SNX9: variants seen among roughly 807,000 people sequenced by gnomAD.
SNX9 encodes the protein sorting nexin-9.
SNX9 carries 44 observed loss-of-function variants against 89.4 expected under a neutral mutation model. The ratio of observed to expected loss-of-function variants is 0.49; its 90% CI spans 0.39 to 0.63. The LOEUF is 0.63. SNX9 is among the 30% of genes least tolerant of loss of function. SNX9 has a pLI of 0.00. For synonymous variants in SNX9, 236 were observed against 247.8 expected (o/e 0.95, Z 0.45); for missense variants, 578 against 736.1 (o/e 0.79, Z 2.49).
chr6:157,944,142 G>A lies in SNX9; in HGVS notation c.*1304G>A, dbSNP rs1050155655. ...CTGGCAGCCACCGTCTCACCCCTGC[G>A]GAGGAGCGCTCCCGTCTCCCACAGG... is the stretch of plus-strand genomic sequence containing the variant. On this transcript the variant is annotated 3_prime_UTR_variant, in exon 18 of 18. Coordinates refer to ENST00000392185, the MANE Select transcript of SNX9 (RefSeq NM_016224.5). 1.3e-5 allele frequency: 2 copies of A among 152,222 alleles called. No homozygotes were observed. The highest frequency in any genetic ancestry group is 2.1e-4 in the South Asian group (1 of 4,830). The allele number at this position is 152,222 out of a possible 1,614,324, so 9.4% of individuals were successfully genotyped here.
At position 157,856,074 on chromosome 6, in the gene SNX9, G is replaced by C. The variant is rs537947596; in HGVS notation, c.13-11473G>C. 2.5e-3 allele frequency among the ~76,000 whole-genome samples: 384 copies of C among 152,282 alleles called. 2 individuals are homozygous for C. Among genetic ancestry groups the C allele is most frequent in the Admixed American group, 4.2e-3 (64 of 15,288 alleles). On this transcript the variant is annotated intron_variant, in intron 1 of 17. Transcript: ENST00000392185. ...TGTCATTGATTTTTATCTTGTTTATGTTGGCTGTTGCCAGGCGGGTATGTT... is the reference window on the plus strand; with the variant it reads ...TGTCATTGATTTTTATCTTGTTTATCTTGGCTGTTGCCAGGCGGGTATGTT...
At chr6:157,850,176 G>A (rs1045504309) in intron 1 of SNX9, among the ~76,000 whole-genome samples, 2 of 152,170 alleles carry the variant, frequency 1.3e-5, no homozygotes, top group African/African-American at 4.8e-5. Flanking sequence ...AGGCAGTCAG[G>A]TGGGTTGAGG....
chr6:157,843,490 A>G (rs961782011), intron 1 of SNX9, among the ~76,000 whole-genome samples: 1 of 152,220 alleles, frequency 6.6e-6, no homozygotes, highest in African/African-American at 2.4e-5. Context: ...TACTAAGTGG[A>G]AGTAGAGCAT....
At chr6:157,873,031 C>G in intron 2 of SNX9, 71 bp from the exon 3 acceptor site, 2 of 1,267,720 alleles carry the variant, frequency 1.6e-6, no homozygotes, top group South Asian at 3.3e-5. Flanking sequence ...ACAATTCCTC[C>G]ACACAAAATT....
At chr6:157,827,714 A>G (rs750420968) in intron 1 of SNX9, among the ~76,000 whole-genome samples, 32 of 150,616 alleles carry the variant, frequency 2.1e-4, no homozygotes, top group South Asian at 2.1e-4. Flanking sequence ...GGACATGAAG[A>G]AAATTGTTAG....
In SNX9 at chr6:157,835,412, CTT is replaced by C. The variant is rs757017383; in HGVS notation, c.12+11984_12+11985del. Among the ~76,000 whole-genome samples the C allele has an allele frequency of 3.8e-4, 49 of 130,586 alleles. 1 individual carries two copies. The highest frequency in any genetic ancestry group is 5.3e-4 in the African/African-American group (19 of 35,978). 85.7% of individuals were successfully genotyped at this position (130,586 alleles called of 152,430 possible). On this transcript the variant is annotated intron_variant, in intron 1 of 17. Transcript: ENST00000392185. ...CAGCCTTTAAAAACCCATTCCCCTT[CTT>C]TTTTTTTTTTTTTTTTTAAATAGAG... is the stretch of plus-strand genomic sequence containing the variant.
chr6:157,928,659 G>C lies in SNX9; in HGVS notation c.1245G>C (p.Glu415Asp), dbSNP rs755567794. The change falls in exon 12 of 18, where the codon GAG becomes GAC. Residue 415 changes from glutamate to aspartate, a missense_variant. This residue lies in a region of SNX9 where 348 missense variants were observed against 491.4 expected (regional missense o/e 0.71). Coordinates refer to ENST00000392185, the MANE Select transcript of SNX9 (RefSeq NM_016224.5). ...AGGCCATGGATGACGGCGTGAAGGA[G>C]CTGCTGACGGTGGGGCAGGAGCACT... Reference protein sequence around the residue: ...FTKAMDDGVKELLTVGQEHWK... With the variant: ...FTKAMDDGVKDLLTVGQEHWK... The C allele has an allele frequency of 4.3e-6, 7 of 1,610,796 alleles. No homozygotes were observed. Among genetic ancestry groups the C allele is most frequent in the Non-Finnish European group, 5.1e-6 (6 of 1,178,606 alleles).
intron 1 of SNX9, among the ~76,000 whole-genome samples, chr6:157,850,469 G>A (rs990415248): frequency 6.6e-6 from 1 of 152,206 alleles, no homozygotes; most frequent in Non-Finnish European, 1.5e-5. Context: ...GAAGGAGAGC[G>A]TGGCGAAGTT....
At chr6:157,879,139 T>C (rs375033989) in intron 4 of SNX9, among the ~76,000 whole-genome samples, 1 of 152,234 alleles carries the variant, frequency 6.6e-6, no homozygotes, top group Admixed American at 6.5e-5. Context: ...TGCATATCTC[T>C]AAGGCCCAGC....
chr6:157,931,214 G>A (rs912955198), intron 12 of SNX9, among the ~76,000 whole-genome samples: 4 of 152,170 alleles, frequency 2.6e-5, no homozygotes, highest in Admixed American at 2.0e-4. Context: ...CATGCCAGGT[G>A]CCTTTAGGTA....
At chr6:157,873,545 T>C (rs889958373) in intron 3 of SNX9, among the ~76,000 whole-genome samples, 7 of 147,536 alleles carry the variant, frequency 4.7e-5, no homozygotes, top group Non-Finnish European at 9.0e-5. Context: ...ATATATCTGT[T>C]AATATATACA....
intron 9 of SNX9, among the ~76,000 whole-genome samples, chr6:157,911,531 C>T (rs538576983): frequency 5.9e-5 from 9 of 152,190 alleles, no homozygotes; most frequent in Admixed American, 1.3e-4. Flanking sequence ...GGACACTTCC[C>T]GAGTGCCTCT....
chr6:157,842,691 G>A (rs931310099), intron 1 of SNX9, among the ~76,000 whole-genome samples: 1 of 152,148 alleles, frequency 6.6e-6, no homozygotes, highest in African/African-American at 2.4e-5. Flanking sequence ...TTCTGTTCCT[G>A]GGTTGGATGG....
At chr6:157,938,128 G>A (rs375007581) in intron 15 of SNX9, among the ~76,000 whole-genome samples, 4 of 152,322 alleles carry the variant, frequency 2.6e-5, no homozygotes, top group South Asian at 2.1e-4. Flanking sequence ...TTTTCTAGCC[G>A]CTTCCATCTG....
intron 1 of SNX9, among the ~76,000 whole-genome samples, chr6:157,834,147 GTGGTTTT>G (rs1781527216): frequency 4.2e-5 from 3 of 71,222 alleles, no homozygotes; most frequent in African/African-American, 1.9e-4. Context: ...GGTGTCCACT[GTGGTTTT>G]TTTTTTTTTT....
chr6:157,850,411 T>G (rs917044556), intron 1 of SNX9, among the ~76,000 whole-genome samples: 3 of 152,198 alleles, frequency 2.0e-5, no homozygotes, highest in African/African-American at 7.2e-5. Flanking sequence ...GGATGGTTTC[T>G]TCTTCCTTTT....
intron 1 of SNX9, among the ~76,000 whole-genome samples, chr6:157,824,313 C>G (rs3805754): frequency 0.05 from 7,645 of 152,252 alleles, 216 homozygotes; most frequent in East Asian, 0.11. Flanking sequence ...AGAATAGCCA[C>G]TGGGGAAGTC....
At chr6:157,917,811 A>T (rs1213269491) in intron 9 of SNX9, among the ~76,000 whole-genome samples, 1 of 152,190 alleles carries the variant, frequency 6.6e-6, no homozygotes, top group African/African-American at 2.4e-5. Context: ...CATATTCATT[A>T]CAGAAAAAAA....
At chr6:157,931,328 C>G (rs1783807240) in intron 12 of SNX9, among the ~76,000 whole-genome samples, 1 of 152,196 alleles carries the variant, frequency 6.6e-6, no homozygotes, top group South Asian at 2.1e-4. Flanking sequence ...ATAGACCTTA[C>G]CTCAAATGTC....
Sources: allele counts gnomAD v4.1 joint callset (sites outside exome capture counted in the v4.1 genomes callset), GRCh38; gene constraint gnomAD v4.1.1; regional missense constraint gnomAD v4.1.1; transcripts MANE v1.5; gene names NCBI Gene and HGNC (gene_info 2026-07-23, HGNC 2026-07-21).